Variants in SMG6 observed in about 807,000 individuals in gnomAD.
SMG6 encodes the protein SMG6 nonsense mediated mRNA decay factor.
A neutral mutation model predicts 142.2 loss-of-function variants in SMG6; 66 were observed. The observed-to-expected ratio is 0.46, with a 90% CI of 0.38 to 0.57. SMG6 has a LOEUF of 0.57. Ranked by LOEUF, SMG6 falls within the 20% of genes least tolerant of loss-of-function variation. The probability of loss-of-function intolerance (pLI) is 0.00; values close to 1 mark genes in which losing one functional copy is unlikely to be tolerated. For missense variants in SMG6, 1,793 were observed against 1,832.0 expected (o/e 0.98, Z 0.39); for synonymous variants, 779 against 702.4 (o/e 1.11, Z -1.72).
At chr17:2,292,714 A>G in intron 5 of SMG6, 84 bp from the exon 6 acceptor site, 2 of 1,536,122 alleles carry the variant, frequency 1.3e-6, no homozygotes, top group South Asian at 2.2e-5. Flanking sequence ...TACTTAAAAC[A>G]TAAGGTAGAG....
chr17:2,289,951 T>C (rs2074995795), intron 6 of SMG6, among the ~76,000 whole-genome samples: 1 of 147,834 alleles, frequency 6.8e-6, no homozygotes, highest in Middle Eastern at 3.3e-3. Flanking sequence ...CATATATATA[T>C]ATATATATAT....
At chr17:2,122,973 CA>C (rs1424739077) in intron 13 of SMG6, among the ~76,000 whole-genome samples, 10 of 152,238 alleles carry the variant, frequency 6.6e-5, no homozygotes, top group Non-Finnish European at 7.3e-5. Flanking sequence ...GGCAGAAAGC[CA>C]CTCTCTGTAA....
intron 10 of SMG6, among the ~76,000 whole-genome samples, chr17:2,197,978 G>C (rs1333012052): frequency 6.6e-6 from 1 of 152,116 alleles, no homozygotes; most frequent in Non-Finnish European, 1.5e-5. Context: ...TGAACTCTGG[G>C]GCTTTATCCT....
rs146521642 is a variant in SMG6 at position 2,228,247 on chromosome 17, C to T, written c.2869+8245G>A. On this transcript the variant is annotated intron_variant, in intron 10 of 18. Coordinates refer to ENST00000263073, the MANE Select transcript of SMG6 (RefSeq NM_017575.5). ...CCCAGCTAACTTTTTTTTTTTGAGA[C>T]GGAGCCTCACTCTGTTTGTTGCCCA... Among the ~76,000 whole-genome samples, 240 of 150,874 alleles carry T rather than the reference C, an allele frequency of 1.6e-3. 2 individuals carry two copies. Among genetic ancestry groups the T allele is most frequent in the African/African-American group, 5.3e-3 (219 of 41,026 alleles).
intron 12 of SMG6, among the ~76,000 whole-genome samples, chr17:2,182,768 G>C (rs976027756): frequency 2.0e-5 from 3 of 152,118 alleles, no homozygotes; most frequent in Admixed American, 6.5e-5. Flanking sequence ...GGAGATGCTT[G>C]TTCTGAAACA....
chr17:2,134,040 T>C (rs996939482), intron 13 of SMG6, among the ~76,000 whole-genome samples: 1 of 152,112 alleles, frequency 6.6e-6, no homozygotes, highest in African/African-American at 2.4e-5. Flanking sequence ...GATAAAACTG[T>C]ATGTTTAGGC....
At chr17:2,097,087 C>G (rs1341462785) in intron 13 of SMG6, among the ~76,000 whole-genome samples, 1 of 152,164 alleles carries the variant, frequency 6.6e-6, no homozygotes, top group South Asian at 2.1e-4. Flanking sequence ...GGAGAGGACT[C>G]AAGGCCCTGG....
At chr17:2,127,336 G>C (rs575856064) in intron 13 of SMG6, 4 of 493,936 alleles carry the variant, frequency 8.1e-6, no homozygotes, top group Non-Finnish European at 7.9e-6. Context: ...GCACAACACT[G>C]TGAATGTACT....
chr17:2,061,831 TG>T (rs2067789891), intron 18 of SMG6: 2 of 559,528 alleles, frequency 3.6e-6, no homozygotes, highest in East Asian at 3.2e-5. Flanking sequence ...GCTTCTGCCT[TG>T]ACTCCGGCCT....
chr17:2,144,358 C>T (rs753744595), intron 13 of SMG6, among the ~76,000 whole-genome samples: 12 of 151,936 alleles, frequency 7.9e-5, no homozygotes, highest in Admixed American at 6.6e-5. Context: ...TGAGCCATGG[C>T]GCCTGGCCAT....
intron 8 of SMG6, chr17:2,255,605 T>TG (rs1172626428): frequency 6.4e-6 from 1 of 157,096 alleles, no homozygotes. Flanking sequence ...GTCCGGGAGG[T>TG]GGGGGGCACC....
rs1491268658 is a variant in SMG6, at chr17:2,218,029, A to AAAAAC, written c.2869+18462_2869+18463insGTTTT. Among the ~76,000 whole-genome samples, 28 of 58,450 alleles carry AAAAAC rather than the reference A, an allele frequency of 4.8e-4. No homozygotes were observed. In the South Asian group the frequency reaches 6.1e-3, roughly 13 times the overall value. The allele number at this position is 58,450 out of a possible 152,430, so 38.3% of individuals were successfully genotyped here. On this transcript the variant is annotated intron_variant, in intron 10 of 18. Transcript: ENST00000263073. Reference sequence around the variant, plus strand: ...GGTCTCAAAAAACAAAAACAAAAACAAAAAAAAAAACAATGAAAAGGACCA... The same window carrying AAAAAC: ...GGTCTCAAAAAACAAAAACAAAAACAAAAACAAAAAAAAAACAATGAAAAGGACCA...
chr17:2,086,704 C>T (rs928744273), intron 13 of SMG6, among the ~76,000 whole-genome samples: 1 of 152,196 alleles, frequency 6.6e-6, no homozygotes, highest in African/African-American at 2.4e-5. Flanking sequence ...CCACCGTCCC[C>T]CAGTCTGGGC....
rs141064745 is a variant in SMG6, at chr17:2,088,286, T to C, written c.3358-2385A>G. On this transcript the variant is annotated intron_variant, in intron 13 of 18. Coordinates refer to ENST00000263073, the MANE Select transcript of SMG6 (RefSeq NM_017575.5). ...GGGAGAAAAGCCACATGTGTGGATG[T>C]GGGACTCCTGGAGATGGGGATTTCC... is the stretch of plus-strand genomic sequence containing the variant. 6.0e-4 allele frequency: 594 copies of C among 985,360 alleles called. 1 individual carries two copies. The highest frequency in any genetic ancestry group is 7.4e-4 in the Admixed American group (12 of 16,266). The allele number at this position is 985,360 out of a possible 1,614,324, so 61.0% of individuals were successfully genotyped here.
chr17:2,203,517 A>G (rs1018665590), intron 10 of SMG6, among the ~76,000 whole-genome samples: 6 of 152,228 alleles, frequency 3.9e-5, no homozygotes, highest in Non-Finnish European at 8.8e-5. Context: ...GCAAAGGAAG[A>G]GTAGAAAAGC....
intron 13 of SMG6, 27 bp downstream of exon 13, chr17:2,172,629 TGG>T: frequency 6.2e-7 from 1 of 1,609,080 alleles, no homozygotes; most frequent in Non-Finnish European, 8.5e-7. Context: ...GAGGGGCGAA[TGG>T]GGAGGGATGT....
intron 18 of SMG6, chr17:2,062,107 T>G (rs886259663): frequency 6.4e-6 from 1 of 156,832 alleles, no homozygotes; most frequent in African/African-American, 2.4e-5. Flanking sequence ...TATCCAGGGT[T>G]TTCCAGATGT....
At chr17:2,125,753 G>C (rs897442406) in intron 13 of SMG6, among the ~76,000 whole-genome samples, 2 of 152,138 alleles carry the variant, frequency 1.3e-5, no homozygotes, top group Non-Finnish European at 1.5e-5. Context: ...AGGAGTTGGA[G>C]ACCAGCCTGG....
At chr17:2,088,027 GAGGGGAGCTA>G in intron 13 of SMG6, 1 of 985,778 alleles carries the variant, frequency 1.0e-6, no homozygotes, top group Non-Finnish European at 1.2e-6. Flanking sequence ...ATGGAGAGGA[GAGGGGAGCTA>G]AGGAGTGAGA....
Sources: allele counts gnomAD v4.1 joint callset (sites outside exome capture counted in the v4.1 genomes callset), GRCh38; gene constraint gnomAD v4.1.1; transcripts MANE v1.5; gene names NCBI Gene and HGNC (gene_info 2026-07-23, HGNC 2026-07-21).